The following AKAP11 variants were observed in gnomAD, a reference collection of about 807,000 sequenced individuals.
AKAP11 encodes A-kinase anchor protein 11.
In AKAP11, 36 loss-of-function variants were observed where a neutral mutation model predicts 146.1. The observed-to-expected ratio is 0.25, with a 90% CI of 0.19 to 0.33. The LOEUF is 0.33. Ranked by LOEUF, AKAP11 falls within the 10% of genes least tolerant of loss-of-function variation. The pLI is 1.00. For missense variants in AKAP11, 2,201 were observed against 2,197.0 expected, an observed-to-expected ratio of 1.00 and a Z score of -0.04; for synonymous variants, 780 against 786.5, an observed-to-expected ratio of 0.99 and a Z score of 0.14.
intron 9 of AKAP11, among the ~76,000 whole-genome samples, chr13:42,312,222 G>A (rs1396592014): frequency 6.6e-6 from 1 of 152,120 alleles, no homozygotes; most frequent in African/African-American, 2.4e-5. Flanking sequence ...CATGCTGAGG[G>A]TTTTAATCTG....
At chr13:42,286,559 A>G (rs112949668) in intron 3 of AKAP11, among the ~76,000 whole-genome samples, 160 bp downstream of exon 3, 182 of 152,356 alleles carry the variant, frequency 1.2e-3, no homozygotes, top group African/African-American at 4.2e-3. Context: ...AAATAGTGAT[A>G]CAAAATCATG....
At chr13:42,318,020 A>G (rs1960903635) in intron 12 of AKAP11, among the ~76,000 whole-genome samples, 1 of 152,230 alleles carries the variant, frequency 6.6e-6, no homozygotes, top group South Asian at 2.1e-4. Context: ...ATTAATAAGC[A>G]TTGTGTGTGT....
Position 42,310,539 on chromosome 13 carries a change from T to C in AKAP11, c.5273+1930T>C, listed in dbSNP as rs943021094. Among the ~76,000 whole-genome samples the C allele has an allele frequency of 2.6e-5, 4 of 152,072 alleles. No individual in the cohort carries two copies. The East Asian group carries it at 7.7e-4, about 29-fold the overall frequency. ...ATACTGTTCTTTTCTGCTACAGAGATCAAGGTAGGAGATAAAGACTTCGGC... is the reference window on the plus strand; with the variant it reads ...ATACTGTTCTTTTCTGCTACAGAGACCAAGGTAGGAGATAAAGACTTCGGC... On this transcript the variant is annotated intron_variant, in intron 9 of 12. Transcript: ENST00000025301.
chr13:42,288,088 T>TA (rs1244314771), intron 3 of AKAP11, among the ~76,000 whole-genome samples: 1 of 152,200 alleles, frequency 6.6e-6, no homozygotes, highest in African/African-American at 2.4e-5. Flanking sequence ...TGCACACACA[T>TA]ACACCACCTT....
Position 42,321,855 on chromosome 13 carries a change from C to T in AKAP11, c.*2627C>T, listed in dbSNP as rs186413357. 1.7e-3 allele frequency: 265 copies of T among 152,348 alleles called. 1 individual carries two copies. Among genetic ancestry groups the T allele is most frequent in the African/African-American group, 5.9e-3 (246 of 41,546 alleles). The allele number at this position is 152,348 out of a possible 1,614,324, so 9.4% of individuals were successfully genotyped here. A position where few individuals can be genotyped will look rare whatever the true frequency, so the allele number is the denominator to read the frequency against. ...GAACTGTTAAAGTTTTGATGTACATCGAGCTGAATTCTGTTTTTACCAGTT... is the reference window on the plus strand; with the variant it reads ...GAACTGTTAAAGTTTTGATGTACATTGAGCTGAATTCTGTTTTTACCAGTT... On this transcript the variant is annotated 3_prime_UTR_variant, in exon 13 of 13. Coordinates refer to ENST00000025301, the MANE Select transcript of AKAP11 (RefSeq NM_016248.4).
intron 3 of AKAP11, among the ~76,000 whole-genome samples, chr13:42,290,932 C>G (rs1349225): frequency 0.67 from 102,578 of 151,998 alleles, 34,798 homozygotes; most frequent in East Asian, 0.79. Context: ...TGGGTGCTGA[C>G]TATGCTCATT....
At position 42,303,749 on chromosome 13, in the gene AKAP11, G is replaced by A; in HGVS notation, c.5003G>A (p.Ser1668Asn). 1.2e-6 allele frequency: 2 copies of A among 1,614,150 alleles called. No individual in the cohort carries two copies. Among genetic ancestry groups the A allele is most frequent in the Non-Finnish European group, 1.7e-6 (2 of 1,180,006 alleles). The change falls in exon 8 of 13, where the codon AGT becomes AAT. Residue 1668 changes from serine (S) to asparagine (N), a missense_variant. By Grantham distance (46) the Ser-to-Asn change is conservative. Around this residue, in one of 3 missense-constraint regions of AKAP11, gnomAD observed 1,867 missense variants for 1,833.5 expected, o/e 1.02. Coordinates refer to ENST00000025301, the MANE Select transcript of AKAP11 (RefSeq NM_016248.4). ...GAAAAAGCTGAGCGAGAGCTGAGCAGTACCAGCCTGGCAGCCGACAGTGGG... is the reference window on the plus strand; with the variant it reads ...GAAAAAGCTGAGCGAGAGCTGAGCAATACCAGCCTGGCAGCCGACAGTGGG... ...AIEKAERELS[S>N]TSLAADSGIG...
chr13:42,301,155 T>G lies in AKAP11; in HGVS notation c.2409T>G (p.Ala803=). 6.2e-7 allele frequency: 1 copy of G among 1,614,130 alleles called. No homozygotes were observed. The highest frequency in any genetic ancestry group is 8.5e-7 in the Non-Finnish European group (1 of 1,179,974). ...HISSTACQAK[A]HLSSDDSNSN... is the part of the protein sequence containing the mutation. ...CATCTACTGCATGTCAGGCCAAGGC[T>G]CATCTGTCATCTGATGATAGTAATT... is the stretch of plus-strand genomic sequence containing the variant. The change falls in exon 8 of 13, where the codon GCT becomes GCG. Residue 803 remains alanine (A), a synonymous_variant. Transcript: ENST00000025301.
At chr13:42,279,531 A>G (rs1383626611) in intron 1 of AKAP11, among the ~76,000 whole-genome samples, 2 of 152,068 alleles carry the variant, frequency 1.3e-5, no homozygotes, top group Non-Finnish European at 2.9e-5. Flanking sequence ...TTTCATCTCT[A>G]AAAGTTCAAT....
chr13:42,281,923 A>T (rs1594301498), intron 1 of AKAP11, among the ~76,000 whole-genome samples: 1 of 151,922 alleles, frequency 6.6e-6, no homozygotes, highest in South Asian at 2.1e-4. Context: ...TTTCCTGTGG[A>T]TGCACAAATA....
At chr13:42,310,753 G>T (rs2138674249) in intron 9 of AKAP11, among the ~76,000 whole-genome samples, 1 of 152,106 alleles carries the variant, frequency 6.6e-6, no homozygotes, top group African/African-American at 2.4e-5. Context: ...CAGCTACTTG[G>T]GAGGCTAAGG....
intron 9 of AKAP11, among the ~76,000 whole-genome samples, chr13:42,308,925 G>A (rs956448470): frequency 4.6e-5 from 7 of 151,654 alleles, no homozygotes; most frequent in Admixed American, 4.6e-4. Context: ...CTTTAAAAAG[G>A]GTACTTTTTT....
chr13:42,315,562 A>T (rs977944955), intron 11 of AKAP11, among the ~76,000 whole-genome samples: 5 of 152,202 alleles, frequency 3.3e-5, no homozygotes, highest in African/African-American at 1.2e-4. Context: ...TTTACTGAGG[A>T]ATGATTAAGA....
chr13:42,273,577 T>C (rs564325578), intron 1 of AKAP11, among the ~76,000 whole-genome samples: 4 of 152,266 alleles, frequency 2.6e-5, no homozygotes, highest in African/African-American at 9.6e-5. Flanking sequence ...TGTACCCACA[T>C]AACTGCAGTA....
intron 8 of AKAP11, among the ~76,000 whole-genome samples, chr13:42,304,908 GC>G (rs1566284372): frequency 6.6e-6 from 1 of 151,912 alleles, no homozygotes; most frequent in Non-Finnish European, 1.5e-5. Flanking sequence ...CCACCACCAC[GC>G]CCAGCTAATT....
chr13:42,273,816 G>A (rs1451746614), intron 1 of AKAP11, among the ~76,000 whole-genome samples: 1 of 152,046 alleles, frequency 6.6e-6, no homozygotes, highest in African/African-American at 2.4e-5. Context: ...TTAATTTTAG[G>A]AACTTACTGT....
intron 1 of AKAP11, among the ~76,000 whole-genome samples, chr13:42,274,500 A>G (rs565392826): frequency 6.6e-6 from 1 of 152,310 alleles, no homozygotes; most frequent in East Asian, 1.9e-4. Flanking sequence ...CCTGGCCAAC[A>G]TGGAAAAACC....
intron 8 of AKAP11, among the ~76,000 whole-genome samples, chr13:42,305,178 A>C (rs1960187041): frequency 6.6e-6 from 1 of 152,234 alleles, no homozygotes; most frequent in African/African-American, 2.4e-5. Flanking sequence ...GTCCTGCTTG[A>C]AAGAGAAAAT....
At chr13:42,307,856 G>A (rs541566393) in intron 8 of AKAP11, among the ~76,000 whole-genome samples, 1 of 152,320 alleles carries the variant, frequency 6.6e-6, no homozygotes, top group Admixed American at 6.5e-5. Context: ...GAACTACTTT[G>A]TTGAACATAA....
Sources: allele counts gnomAD v4.1 joint callset (sites outside exome capture counted in the v4.1 genomes callset), GRCh38; gene constraint gnomAD v4.1.1; regional missense constraint gnomAD v4.1.1; transcripts MANE v1.5; gene names NCBI Gene and HGNC (gene_info 2026-07-23, HGNC 2026-07-21).